Variants in SYNJ2 observed in about 807,000 individuals in gnomAD.
SYNJ2 encodes polyphosphatidylinositol phosphatase SYNJ2.
In SYNJ2, 116 loss-of-function variants were observed where a neutral mutation model predicts 141.3. The observed-to-expected ratio is 0.82, with a 90% confidence interval of 0.71 to 0.96. The LOEUF is 0.96. Ranked by LOEUF, SYNJ2 falls within the 40% of genes least tolerant of loss-of-function variation. SYNJ2 has a pLI of 0.00. For synonymous variants in SYNJ2, 745 were observed against 777.7 expected, an observed-to-expected ratio of 0.96 and a Z score of 0.70; for missense variants, 1,873 against 1,934.8, an observed-to-expected ratio of 0.97 and a Z score of 0.60.
At chr6:158,072,587 G>T (rs992215645) in intron 15 of SYNJ2, among the ~76,000 whole-genome samples, 1 of 152,014 alleles carries the variant, frequency 6.6e-6, no homozygotes, top group African/African-American at 2.4e-5. Context: ...TAAAACTGAC[G>T]TCCCATTTTA....
upstream of SYNJ2, among the ~76,000 whole-genome samples, chr6:157,981,470 A>C (rs1777000795): frequency 6.6e-6 from 1 of 152,212 alleles, no homozygotes; most frequent in African/African-American, 2.4e-5. The surrounding 1 kb of genome is among the most constrained non-coding windows in gnomAD (Gnocchi z 6.4). Flanking sequence ...CCAGGGTCGC[A>C]GGAGCCGACC....
At chr6:158,087,126 C>T in intron 23 of SYNJ2, 137 bp downstream of exon 23, 1 of 1,024,292 alleles carries the variant, frequency 9.8e-7, no homozygotes, top group Non-Finnish European at 1.4e-6. Context: ...CCTTGGGCTC[C>T]GTTTTGTTGT....
At chr6:158,038,769 G>A (rs903802214) in intron 4 of SYNJ2, among the ~76,000 whole-genome samples, 8 of 152,230 alleles carry the variant, frequency 5.3e-5, no homozygotes, top group Non-Finnish European at 1.2e-4. Context: ...AGGTGCTGCC[G>A]CCCTTCCAGG....
intron 13 of SYNJ2, 49 bp from the exon 14 acceptor site, chr6:158,069,484 A>T: frequency 6.3e-7 from 1 of 1,583,894 alleles, no homozygotes; most frequent in Non-Finnish European, 8.6e-7. Flanking sequence ...TGGGAGATAG[A>T]TGTACTTCCA....
chr6:158,075,706 C>G (rs985906431), intron 16 of SYNJ2, among the ~76,000 whole-genome samples: 1 of 151,992 alleles, frequency 6.6e-6, no homozygotes, highest in South Asian at 2.1e-4. Context: ...GGACGTTCTT[C>G]GAGGTTTACT....
At chr6:158,093,960 G>C (rs766953973) in intron 26 of SYNJ2, 1 of 765,344 alleles carries the variant, frequency 1.3e-6, no homozygotes, top group Admixed American at 1.7e-5. Flanking sequence ...TGTAAGGACA[G>C]TAGCAGCCCA....
At position 157,982,134 on chromosome 6, in the gene SYNJ2, G is replaced by T. The variant is rs1284960210; in HGVS notation, c.127+46G>T. 2 of 1,285,130 alleles carry T rather than the reference G, an allele frequency of 1.6e-6. No homozygotes were observed. The highest frequency in any genetic ancestry group is 2.3e-5 in the South Asian group (1 of 43,716). The allele number at this position is 1,285,130 out of a possible 1,614,324, so 79.6% of individuals were successfully genotyped here. A position where few individuals can be genotyped will look rare whatever the true frequency, so the allele number is the denominator to read the frequency against. Reference sequence around the variant, plus strand: ...GCGACGCCCGGAGGAGAGGGCGCCCGCATTCGCCCAGCCTCGGGAAGACGG... The same window carrying T: ...GCGACGCCCGGAGGAGAGGGCGCCCTCATTCGCCCAGCCTCGGGAAGACGG... On this transcript the variant is annotated intron_variant, in intron 1 of 26. Coordinates refer to ENST00000355585, the MANE Select transcript of SYNJ2 (RefSeq NM_003898.4). The surrounding 1 kb of genome is among the most constrained non-coding windows in gnomAD (Gnocchi z 4.0).
At chr6:158,030,674 C>G (rs1162226092) in intron 3 of SYNJ2, 1 of 152,270 alleles carries the variant, frequency 6.6e-6, no homozygotes, top group Admixed American at 6.5e-5. Context: ...GGCGGATCAC[C>G]TGAGGTCAGC....
intron 26 of SYNJ2, chr6:158,093,833 G>C: frequency 1.3e-6 from 1 of 753,164 alleles, no homozygotes; most frequent in Non-Finnish European, 2.4e-6. Flanking sequence ...ACATGCTCTC[G>C]TGCGGCCTCA....
intron 2 of SYNJ2, among the ~76,000 whole-genome samples, chr6:158,022,464 T>C (rs7776378): frequency 0.57 from 86,579 of 152,156 alleles, 26,309 homozygotes; most frequent in African/African-American, 0.79. Context: ...CACTGGCTCT[T>C]GCCTCCCTCC....
intron 1 of SYNJ2, among the ~76,000 whole-genome samples, chr6:157,998,301 A>G (rs555162880): frequency 1.3e-5 from 2 of 152,352 alleles, no homozygotes; most frequent in African/African-American, 4.8e-5. Context: ...CACAGGGGAC[A>G]TTCCATGTTA....
chr6:158,041,873 T>C (rs1779967563), intron 4 of SYNJ2, among the ~76,000 whole-genome samples: 1 of 152,230 alleles, frequency 6.6e-6, no homozygotes, highest in Non-Finnish European at 1.5e-5. Flanking sequence ...CATACCCGGC[T>C]AACTTTTTAA....
At position 158,098,427 on chromosome 6, in the gene SYNJ2, G is replaced by A. The variant is rs902035064; in HGVS notation, c.*2063G>A. 4.6e-5 allele frequency: 7 copies of A among 151,972 alleles called. No homozygotes were observed. The highest frequency in any genetic ancestry group is 7.4e-5 in the Non-Finnish European group (5 of 68,012). 9.4% of individuals were successfully genotyped at this position (151,972 alleles called of 1,614,324 possible). The stretch of plus-strand genomic sequence containing the variant: ...GGGAGGTGAATCACAAAAAAGTTAC[G>A]AGGAGTTTAAGAGTTAAATATTATT... On this transcript the variant is annotated 3_prime_UTR_variant, in exon 27 of 27. Coordinates refer to ENST00000355585, the MANE Select transcript of SYNJ2 (RefSeq NM_003898.4).
In SYNJ2 at chr6:157,999,855, T is replaced by G. The variant is rs559480896; in HGVS notation, c.128-17349T>G. Among the ~76,000 whole-genome samples the G allele has an allele frequency of 1.0e-3, 155 of 152,276 alleles. 1 individual carries two copies. Among genetic ancestry groups the G allele is most frequent in the Non-Finnish European group, 2.9e-4 (20 of 68,016 alleles). On this transcript the variant is annotated intron_variant, in intron 1 of 26. Coordinates refer to ENST00000355585, the MANE Select transcript of SYNJ2 (RefSeq NM_003898.4). ...GTGATGTGCAGGTGACTGGGAGACC[T>G]GTTCTCTTTCGAGCCGTGCAGCTCC...
chr6:158,023,464 G>A lies in SYNJ2; in HGVS notation c.215-5292G>A, dbSNP rs1173851567. 7.2e-5 allele frequency among the ~76,000 whole-genome samples: 11 copies of A among 152,052 alleles called. 1 individual carries two copies. The highest frequency in any genetic ancestry group is 7.2e-4 in the Admixed American group (11 of 15,260). On this transcript the variant is annotated intron_variant, in intron 2 of 26. Transcript: ENST00000355585. ...CTCCACACAGCGGTCCTGAGGTTTG[G>A]GTAAGGCTCTTCCACAGAGGCCTCT... is the stretch of plus-strand genomic sequence containing the variant.
chr6:158,078,159 A>T lies in SYNJ2; in HGVS notation c.2450-5A>T, dbSNP rs2128385032. ...GGGTCTCTCGAATGGAACCCCTGCG[A>T]GTAGCTGGAGAACTCAACCTTCTAG... On this transcript the variant is annotated splice_region_variant and splice_polypyrimidine_tract_variant and intron_variant, in intron 17 of 26. Coordinates refer to ENST00000355585, the MANE Select transcript of SYNJ2 (RefSeq NM_003898.4). 2 of 1,594,744 alleles carry T rather than the reference A, an allele frequency of 1.3e-6. No individual in the cohort carries two copies. Among genetic ancestry groups the T allele is most frequent in the Non-Finnish European group, 1.7e-6 (2 of 1,162,910 alleles).
chr6:158,092,952 G>A lies in SYNJ2; in HGVS notation c.3592G>A (p.Val1198Met), dbSNP rs142695147. Residue 1198 changes from valine (V) to methionine (M), a missense_variant, in exon 26 of 27, where the codon GTG becomes ATG. Val to Met is a conservative substitution (Grantham distance 21). Transcript: ENST00000355585. The part of the protein sequence containing the change: ...GGASEEALSA[V>M]APRDLEASSE... ...TGCCTCCGAAGAAGCCCTAAGTGCCGTGGCCCCAAGGGACCTTGAAGCATC... is the reference window on the plus strand; with the variant it reads ...TGCCTCCGAAGAAGCCCTAAGTGCCATGGCCCCAAGGGACCTTGAAGCATC... The A allele has an allele frequency of 6.3e-6, 10 of 1,599,050 alleles. No individual in the cohort carries two copies. The highest frequency in any genetic ancestry group is 4.1e-5 in the African/African-American group (3 of 73,554).
At chr6:157,989,286 G>A (rs1223371934) in intron 1 of SYNJ2, among the ~76,000 whole-genome samples, 3 of 151,764 alleles carry the variant, frequency 2.0e-5, no homozygotes, top group African/African-American at 7.3e-5. Context: ...CTTATGTCAA[G>A]GCAAGTACTA....
At chr6:158,022,119 C>CG (rs1013612355) in intron 2 of SYNJ2, among the ~76,000 whole-genome samples, 6 of 152,142 alleles carry the variant, frequency 3.9e-5, no homozygotes, top group Non-Finnish European at 7.4e-5. Context: ...CTGCGGGTGG[C>CG]GGGGGAGGCT....
Sources: allele counts gnomAD v4.1 joint callset (sites outside exome capture counted in the v4.1 genomes callset), GRCh38; gene constraint gnomAD v4.1.1; non-coding constraint Gnocchi (gnomAD v3.1); transcripts MANE v1.5; gene names NCBI Gene and HGNC (gene_info 2026-07-23, HGNC 2026-07-21).